Variants in STRN observed in about 807,000 individuals in gnomAD.
STRN encodes striatin, also known as protein phosphatase 2 regulatory subunit B'''alpha.
STRN carries 53 observed loss-of-function variants against 96.3 expected under a neutral mutation model. The observed-to-expected ratio is 0.55, with a 90% CI of 0.44 to 0.69. The LOEUF (loss-of-function observed/expected upper bound fraction) is 0.69. STRN is among the 30% of genes least tolerant of loss of function. STRN has a pLI of 0.00. For missense variants in STRN, 987 were observed against 963.9 expected, an observed-to-expected ratio of 1.02 and a Z score of -0.32; for synonymous variants, 428 against 355.9, an observed-to-expected ratio of 1.20 and a Z score of -2.28.
rs572201583 is a variant in STRN, at chr2:36,877,833, C to G, written c.1323+58G>C. 3.8e-6 allele frequency: 6 copies of G among 1,599,850 alleles called. No homozygotes were observed. In the South Asian group the frequency reaches 5.5e-5, roughly 15 times the overall value. On this transcript the variant is annotated intron_variant, in intron 10 of 17. Transcript: ENST00000263918. Reference sequence around the variant, plus strand: ...TACAGGCGTGAGCCACCGCACCCAGCCCAAGTTTTTGTTTTTAAAAACCAA... The same window carrying G: ...TACAGGCGTGAGCCACCGCACCCAGGCCAAGTTTTTGTTTTTAAAAACCAA...
chr2:36,893,680 C>T (rs553918550), intron 7 of STRN, among the ~76,000 whole-genome samples: 5 of 152,042 alleles, frequency 3.3e-5, no homozygotes, highest in African/African-American at 4.8e-5. Context: ...TCTTTTCATA[C>T]TGTATTGTTG....
Position 36,875,807 on chromosome 2 carries a change from C to A in STRN, c.1323+2084G>T, listed in dbSNP as rs187561675. ...GAGTAGCTGGGACTACAGGCACCCG[C>A]CACAATGCCCAGCTAATTTTTTTGT... is the stretch of plus-strand genomic sequence containing the variant. On this transcript the variant is annotated intron_variant, in intron 10 of 17. Coordinates refer to ENST00000263918, the MANE Select transcript of STRN (RefSeq NM_003162.4). Among the ~76,000 whole-genome samples, 164 of 152,134 alleles carry A rather than the reference C, an allele frequency of 1.1e-3. 3 individuals carry two copies. The East Asian group carries it at 0.023, about 21-fold the overall frequency.
intron 14 of STRN, 152 bp from the exon 15 acceptor site, chr2:36,855,504 A>C (rs1668322354): frequency 6.6e-6 from 5 of 759,618 alleles, no homozygotes; most frequent in Non-Finnish European, 8.0e-6. Context: ...TATTCATTGG[A>C]GATTATTTCT....
At chr2:36,897,440 T>C (rs1486991367) in intron 6 of STRN, among the ~76,000 whole-genome samples, 1 of 148,946 alleles carries the variant, frequency 6.7e-6, no homozygotes, top group African/African-American at 2.5e-5. Context: ...AAAAAATATA[T>C]ATATATTTTT....
At position 36,905,607 on chromosome 2, in the gene STRN, C is replaced by T. The variant is rs1391709742; in HGVS notation, c.424G>A (p.Glu142Lys). 6.2e-7 allele frequency: 1 copy of T among 1,612,894 alleles called. No homozygotes were observed. The highest frequency in any genetic ancestry group is 1.1e-5 in the South Asian group (1 of 91,028). The part of the protein sequence containing the change: ...PPSYDSDEGN[E>K]TEVQPQQNSQ... ...TTTTGTTGTGGCTGCACTTCTGTTTCATTACCTTCATCTAGAAAACATTAA... is the reference window on the plus strand; with the variant it reads ...TTTTGTTGTGGCTGCACTTCTGTTTTATTACCTTCATCTAGAAAACATTAA... The change falls in exon 4 of 18, where the codon GAA (glutamate) becomes AAA (lysine). Residue 142 changes from glutamate (E) to lysine (K), a missense_variant. Coordinates refer to ENST00000263918, the MANE Select transcript of STRN (RefSeq NM_003162.4).
At chr2:36,927,691 C>T (rs1334678129) in intron 1 of STRN, among the ~76,000 whole-genome samples, 1 of 152,024 alleles carries the variant, frequency 6.6e-6, no homozygotes, top group African/African-American at 2.4e-5. Flanking sequence ...AAATAAAGTA[C>T]AATCAGATTT....
Position 36,927,276 on chromosome 2 carries a change from G to A in STRN, c.235-2068C>T, listed in dbSNP as rs188117477. Among the ~76,000 whole-genome samples, 289 of 152,226 alleles carry A rather than the reference G, an allele frequency of 1.9e-3. 4 individuals carry two copies. Among genetic ancestry groups the A allele is most frequent in the Non-Finnish European group, 5.3e-4 (36 of 68,014 alleles). ...AATTAACAGCACTTTGGGAGGCCGA[G>A]GCGGGTGGATAACTTGAGCTCAGGA... On this transcript the variant is annotated intron_variant, in intron 1 of 17. Transcript: ENST00000263918.
At chr2:36,897,700 G>C (rs1286192640) in intron 6 of STRN, among the ~76,000 whole-genome samples, 4 of 151,898 alleles carry the variant, frequency 2.6e-5, no homozygotes, top group Admixed American at 2.6e-4. Context: ...GCCTCCCAAA[G>C]TGCTGGGATT....
chr2:36,915,173 G>GAA (rs1670059782), intron 3 of STRN, among the ~76,000 whole-genome samples: 1 of 142,852 alleles, frequency 7.0e-6, no homozygotes. Flanking sequence ...CTCCAGGCTG[G>GAA]GTGACAGAGC....
Position 36,844,413 on chromosome 2 carries a change from C to G in STRN, c.*5043G>C, listed in dbSNP as rs145741028. The G allele has an allele frequency of 6.6e-6, 1 of 152,140 alleles. No individual in the cohort carries two copies. Among genetic ancestry groups the G allele is most frequent in the Non-Finnish European group, 1.5e-5 (1 of 68,012 alleles). 9.4% of individuals were successfully genotyped at this position (152,140 alleles called of 1,614,324 possible). On this transcript the variant is annotated 3_prime_UTR_variant, in exon 18 of 18. Transcript: ENST00000263918. ...AGAGAGGAGCTAACTAACACCCACCCAGGGGGGAAAAATCATTCTACATTA... is the reference window on the plus strand; with the variant it reads ...AGAGAGGAGCTAACTAACACCCACCGAGGGGGGAAAAATCATTCTACATTA...
intron 1 of STRN, among the ~76,000 whole-genome samples, chr2:36,949,227 C>T (rs531190578): frequency 6.6e-6 from 1 of 152,288 alleles, no homozygotes; most frequent in African/African-American, 2.4e-5. Flanking sequence ...ATGTAGCAGG[C>T]TATACCATCT....
chr2:36,959,940 T>C (rs1385380319), intron 1 of STRN, among the ~76,000 whole-genome samples: 5 of 152,172 alleles, frequency 3.3e-5, no homozygotes, highest in African/African-American at 1.2e-4. Context: ...AGATTATAGC[T>C]AAGGTTGAGA....
rs566981334 is a variant in STRN at position 36,881,795 on chromosome 2, T to C, written c.1186+2137A>G. Among the ~76,000 whole-genome samples the C allele has an allele frequency of 4.2e-4, 64 of 152,358 alleles. No individual in the cohort carries two copies. In the South Asian group the frequency reaches 0.013, roughly 31 times the overall value. ...ATTAGAATTCTGCATAATTCATGTA[T>C]GGCCTGAGATGAAATCTGATAAACT... is the stretch of plus-strand genomic sequence containing the variant. On this transcript the variant is annotated intron_variant, in intron 9 of 17. Transcript: ENST00000263918.
rs776472374 is a variant in STRN at position 36,849,454 on chromosome 2, C to T, written c.*2G>A. ...GCTAGAAGGTGAAGATGATGCATTG[C>T]GTCATACAAAGACTTTAGCCAGTGC... On this transcript the variant is annotated 3_prime_UTR_variant, in exon 18 of 18. Transcript: ENST00000263918. 9.3e-6 allele frequency: 15 copies of T among 1,613,732 alleles called. No homozygotes were observed. In the East Asian group the frequency reaches 2.0e-4, roughly 22 times the overall value.
chr2:36,894,980 G>C (rs1669500339), intron 6 of STRN, among the ~76,000 whole-genome samples: 1 of 152,046 alleles, frequency 6.6e-6, no homozygotes, highest in African/African-American at 2.4e-5. Context: ...CAGAACAAAG[G>C]TGGCATCATA....
chr2:36,946,686 T>G (rs1670994107), intron 1 of STRN, among the ~76,000 whole-genome samples: 3 of 152,222 alleles, frequency 2.0e-5, no homozygotes, highest in Admixed American at 2.0e-4. Flanking sequence ...TATGTCTCTG[T>G]ATATCCTGTG....
chr2:36,961,718 G>C (rs77295036), intron 1 of STRN, among the ~76,000 whole-genome samples: 2,335 of 152,136 alleles, frequency 0.015, 60 homozygotes, highest in African/African-American at 0.052. Context: ...TCACTCTTTT[G>C]CTTAAAACAT....
chr2:36,837,860 A>T lies in STRN; in HGVS notation c.*11596T>A, dbSNP rs1667857777. 6.6e-6 allele frequency among the ~76,000 whole-genome samples: 1 copy of T among 152,244 alleles called. No homozygotes were observed. Among genetic ancestry groups the T allele is most frequent in the Non-Finnish European group, 1.5e-5 (1 of 68,048 alleles). On this transcript the variant is annotated 3_prime_UTR_variant, in exon 18 of 18. Transcript: ENST00000263918. The stretch of plus-strand genomic sequence containing the variant: ...TTTCACAAACTAGTTAACTAAAAAG[A>T]CAAACGGTACAAACATATGGACCAA...
chr2:36,946,032 T>C (rs1458154891), intron 1 of STRN, among the ~76,000 whole-genome samples: 3 of 151,480 alleles, frequency 2.0e-5, no homozygotes, highest in African/African-American at 7.3e-5. Flanking sequence ...TAGCCAATAC[T>C]AGAAAAAGAC....
Sources: allele counts gnomAD v4.1 joint callset (sites outside exome capture counted in the v4.1 genomes callset), GRCh38; gene constraint gnomAD v4.1.1; transcripts MANE v1.5; gene names NCBI Gene and HGNC (gene_info 2026-07-23, HGNC 2026-07-21).